The following DLG2 variants were observed in gnomAD, a reference collection of about 807,000 sequenced individuals.
DLG2 encodes the protein discs large MAGUK scaffold protein 2.
A neutral mutation model predicts 132.5 loss-of-function variants in DLG2; 45 were observed. The ratio of observed to expected loss-of-function variants is 0.34; its 90% CI spans 0.27 to 0.44. DLG2 has a LOEUF of 0.44. DLG2 is among the 20% of genes least tolerant of loss of function. The pLI is 1.00. For missense variants in DLG2, 1,045 were observed against 1,196.9 expected (o/e 0.87, Z 1.87); for synonymous variants, 424 against 419.6 (o/e 1.01, Z -0.13).
At chr11:84,002,218 G>A (rs1592806124) in intron 11 of DLG2, among the ~76,000 whole-genome samples, 2 of 152,240 alleles carry the variant, frequency 1.3e-5, no homozygotes, top group South Asian at 2.1e-4. Context: ...AAAAGAAAGA[G>A]GAGACACGAC....
intron 6 of DLG2, among the ~76,000 whole-genome samples, chr11:84,766,661 T>G (rs1351268948): frequency 6.6e-6 from 1 of 152,088 alleles, no homozygotes; most frequent in Non-Finnish European, 1.5e-5. Flanking sequence ...ATTACTTCAG[T>G]GCTTTCATTG....
intron 3 of DLG2, among the ~76,000 whole-genome samples, chr11:85,391,015 A>G (rs2086752367): frequency 6.6e-6 from 1 of 152,080 alleles, no homozygotes; most frequent in Admixed American, 6.6e-5. Flanking sequence ...CTTTGAAAAG[A>G]TAAATAAAAT....
chr11:85,154,272 G>A (rs2077454162), intron 5 of DLG2, among the ~76,000 whole-genome samples: 1 of 151,356 alleles, frequency 6.6e-6, no homozygotes, highest in Non-Finnish European at 1.5e-5. Flanking sequence ...TTTTTCAAGA[G>A]AGGAAAAGTG....
intron 7 of DLG2, among the ~76,000 whole-genome samples, chr11:84,302,309 C>A (rs1248931621): frequency 2.0e-5 from 3 of 152,118 alleles, no homozygotes; most frequent in Non-Finnish European, 2.9e-5. Flanking sequence ...AACAAACCTG[C>A]ATGTTCTGCA....
intron 6 of DLG2, among the ~76,000 whole-genome samples, chr11:84,812,837 G>T (rs2076709380): frequency 6.6e-6 from 1 of 152,074 alleles, no homozygotes; most frequent in Admixed American, 6.6e-5. Context: ...ACTGAGCAGT[G>T]GTATCTGCAA....
At chr11:83,766,155 G>A (rs112801200) in intron 18 of DLG2, among the ~76,000 whole-genome samples, 2,973 of 149,180 alleles carry the variant, frequency 0.02, 110 homozygotes, top group African/African-American at 0.071. Flanking sequence ...GTGCAGTGAC[G>A]TGATCTCGGC....
At chr11:84,537,153 C>G (rs1411219460) in intron 6 of DLG2, among the ~76,000 whole-genome samples, 2 of 152,154 alleles carry the variant, frequency 1.3e-5, no homozygotes, top group Non-Finnish European at 2.9e-5. Flanking sequence ...TCACCCCAGG[C>G]TGGAGTGCAG....
intron 3 of DLG2, among the ~76,000 whole-genome samples, chr11:85,513,071 C>A (rs1258491093): frequency 6.6e-6 from 1 of 152,000 alleles, no homozygotes; most frequent in Non-Finnish European, 1.5e-5. Context: ...GGCCATTATT[C>A]TAAGTGAATT....
chr11:84,118,109 G>A (rs112213289), intron 9 of DLG2, among the ~76,000 whole-genome samples: 20 of 152,120 alleles, frequency 1.3e-4, no homozygotes, highest in Non-Finnish European at 2.6e-4. Context: ...CACCTGCGTC[G>A]GCCTCCCAAA....
intron 6 of DLG2, among the ~76,000 whole-genome samples, chr11:84,774,152 G>A (rs934032637): frequency 6.6e-6 from 1 of 152,004 alleles, no homozygotes; most frequent in African/African-American, 2.4e-5. Flanking sequence ...AGTTCAAGCT[G>A]AGAACCAAAT....
At chr11:84,445,378 A>C (rs902400493) in intron 7 of DLG2, among the ~76,000 whole-genome samples, 1 of 152,166 alleles carries the variant, frequency 6.6e-6, no homozygotes, top group Non-Finnish European at 1.5e-5. Flanking sequence ...ATGATAGTAG[A>C]CTAGACTTTG....
At chr11:83,762,649 C>T (rs1464125685) in intron 18 of DLG2, among the ~76,000 whole-genome samples, 6 of 151,184 alleles carry the variant, frequency 4.0e-5, no homozygotes, top group Admixed American at 2.6e-4. Context: ...GGCATGATCT[C>T]GGCTCACTGC....
chr11:85,280,297 T>G lies in DLG2; in HGVS notation c.186+4923A>C, dbSNP rs185474400. ...TGTACTCAGCACTTTACATGCCTGA[T>G]AGCTTATTTATTCTTCACAATAACC... On this transcript the variant is annotated intron_variant, in intron 4 of 27. Transcript: ENST00000376104. Among the ~76,000 whole-genome samples, 21 of 152,176 alleles carry G rather than the reference T, an allele frequency of 1.4e-4. 1 individual carries two copies. The highest frequency in any genetic ancestry group is 4.1e-4 in the African/African-American group (17 of 41,562).
chr11:84,844,599 T>A (rs539953721), intron 6 of DLG2, among the ~76,000 whole-genome samples: 1 of 152,050 alleles, frequency 6.6e-6, no homozygotes, highest in African/African-American at 2.4e-5. Flanking sequence ...TCTTGCTCTA[T>A]TTTTATTTCT....
intron 6 of DLG2, chr11:84,923,431 A>AAAG (rs565434881): frequency 7.1e-6 from 7 of 985,396 alleles, no homozygotes; most frequent in South Asian, 9.6e-5. Flanking sequence ...TAAAAAAAAA[A>AAAG]AAGAAGAAGA....
intron 7 of DLG2, among the ~76,000 whole-genome samples, chr11:84,386,924 T>C (rs930195017): frequency 1.3e-5 from 2 of 152,150 alleles, no homozygotes; most frequent in African/African-American, 4.8e-5. Context: ...TTTATTGTCA[T>C]ATTTTTAGTT....
chr11:84,961,136 C>T (rs1232575074), intron 6 of DLG2, among the ~76,000 whole-genome samples: 1 of 151,132 alleles, frequency 6.6e-6, no homozygotes, highest in Admixed American at 6.6e-5. Context: ...ATGAGTAAAG[C>T]CTTTATATAG....
intron 21 of DLG2, among the ~76,000 whole-genome samples, chr11:83,488,463 GAAAC>G (rs1399910278): frequency 1.3e-5 from 2 of 151,876 alleles, no homozygotes; most frequent in Non-Finnish European, 2.9e-5. Flanking sequence ...ATGAAAGAAG[GAAAC>G]AAAACAAAAA....
intron 6 of DLG2, among the ~76,000 whole-genome samples, chr11:85,042,766 C>T (rs899717881): frequency 2.0e-5 from 3 of 151,730 alleles, no homozygotes; most frequent in Middle Eastern, 3.2e-3. Flanking sequence ...AAGGTTTTAC[C>T]ACTCCAATTA....
Sources: allele counts gnomAD v4.1 joint callset (sites outside exome capture counted in the v4.1 genomes callset), GRCh38; gene constraint gnomAD v4.1.1; transcripts MANE v1.5; gene names NCBI Gene and HGNC (gene_info 2026-07-23, HGNC 2026-07-21).